CXXC5: variants seen among roughly 807,000 people sequenced by gnomAD.
The protein encoded by CXXC5 is CXXC finger protein 5.
A neutral mutation model predicts 17.6 loss-of-function variants in CXXC5; 2 were observed. The observed-to-expected ratio is 0.11, with a 90% confidence interval of 0.05 to 0.36. The LOEUF (loss-of-function observed/expected upper bound fraction) is 0.36. CXXC5 is among the 10% of genes least tolerant of loss of function. The probability of loss-of-function intolerance (pLI) is 1.00; values close to 1 mark genes in which losing one functional copy is unlikely to be tolerated. For missense variants in CXXC5, 343 were observed against 458.3 expected (o/e 0.75, Z 2.30); for synonymous variants, 171 against 193.0 (o/e 0.89, Z 0.94).
Position 139,681,224 on chromosome 5 carries a change from C to T in CXXC5, c.701C>T (p.Ala234Val), listed in dbSNP as rs747221615. 43 of 1,612,206 alleles carry T rather than the reference C, an allele frequency of 2.7e-5. No homozygotes were observed. Among genetic ancestry groups the T allele is most frequent in the Admixed American group, 1.0e-4 (6 of 59,974 alleles). The change falls in exon 2 of 3, where the codon GCG (alanine) becomes GTG (valine). Residue 234 changes from alanine to valine, a missense_variant. Coordinates refer to ENST00000302517, the MANE Select transcript of CXXC5 (RefSeq NM_016463.9). ...TPAGVFLAES[A>V]LHMAGLAEYP... ...GCAGGTGTGTTCCTGGCCGAGAGCGCGCTGCACATGGCGGGCCTGGCTGAG... is the reference window on the plus strand; with the variant it reads ...GCAGGTGTGTTCCTGGCCGAGAGCGTGCTGCACATGGCGGGCCTGGCTGAG...
At chr5:139,655,987 G>A (rs960779107) in intron 1 of CXXC5, among the ~76,000 whole-genome samples, 4 of 152,174 alleles carry the variant, frequency 2.6e-5, no homozygotes, top group Non-Finnish European at 2.9e-5. Flanking sequence ...GGTGGCCCCC[G>A]GGGAGCCCTG....
chr5:139,659,277 G>C (rs1271910836), intron 1 of CXXC5, among the ~76,000 whole-genome samples: 1 of 152,266 alleles, frequency 6.6e-6, no homozygotes, highest in East Asian at 1.9e-4. Context: ...GTAAGGAGCC[G>C]GCCAGTGAGG....
intron 1 of CXXC5, among the ~76,000 whole-genome samples, chr5:139,678,486 G>A (rs929605421): frequency 2.6e-5 from 4 of 152,146 alleles, no homozygotes; most frequent in Non-Finnish European, 5.9e-5. Flanking sequence ...CTGCTAGGAA[G>A]GAGCCCTAGG....
chr5:139,681,499 C>G, intron 2 of CXXC5, 52 bp downstream of exon 2: 1 of 1,515,362 alleles, frequency 6.6e-7, no homozygotes, highest in Non-Finnish European at 8.8e-7. Flanking sequence ...GTCTGGCAGT[C>G]CAAACCCACC....
At position 139,661,149 on chromosome 5, in the gene CXXC5, G is replaced by A. The variant is rs553842964; in HGVS notation, c.-161+12304G>A. Among the ~76,000 whole-genome samples the A allele has an allele frequency of 9.2e-4, 140 of 152,256 alleles. 1 individual carries two copies. Among genetic ancestry groups the A allele is most frequent in the Admixed American group, 4.1e-3 (63 of 15,300 alleles). ...GGGGAAGCAGCAGGTTATTTATCAA[G>A]CCAGCCTCCCCGCCGCGGCTGCCCG... is the stretch of plus-strand genomic sequence containing the variant. On this transcript the variant is annotated intron_variant, in intron 1 of 2. Transcript: ENST00000302517. The surrounding 1 kb of genome is among the most constrained non-coding windows in gnomAD (Gnocchi z 4.7).
intron 1 of CXXC5, among the ~76,000 whole-genome samples, chr5:139,671,546 C>T (rs534634336): frequency 3.3e-5 from 5 of 152,318 alleles, no homozygotes; most frequent in South Asian, 4.1e-4. Context: ...GGCCTCTGTG[C>T]GGCCGGCTGG....
intron 1 of CXXC5, among the ~76,000 whole-genome samples, chr5:139,653,164 C>G (rs1755303509): frequency 6.6e-6 from 1 of 152,232 alleles, no homozygotes; most frequent in Non-Finnish European, 1.5e-5. Context: ...TGGGCAGCCT[C>G]CCCGTCTGCC....
intron 1 of CXXC5, among the ~76,000 whole-genome samples, chr5:139,656,456 CAT>C (rs3051966): frequency 0.068 from 10,420 of 152,288 alleles, 404 homozygotes; most frequent in South Asian, 0.13. Context: ...CATACACACA[CAT>C]GTGTGCAGAA....
intron 1 of CXXC5, among the ~76,000 whole-genome samples, chr5:139,652,146 C>T (rs1375558715): frequency 9.3e-5 from 8 of 85,614 alleles, no homozygotes; most frequent in Admixed American, 4.9e-4. Context: ...TCCTAGCCGC[C>T]GGCGCGCGCG....
chr5:139,651,819 G>A (rs1381790302), intron 1 of CXXC5, among the ~76,000 whole-genome samples: 1 of 152,062 alleles, frequency 6.6e-6, no homozygotes, highest in Non-Finnish European at 1.5e-5. Flanking sequence ...CATTTAGTCC[G>A]AATTAACAAG....
chr5:139,649,627 C>T (rs903718234), intron 1 of CXXC5: 4 of 152,280 alleles, frequency 2.6e-5, no homozygotes, highest in Non-Finnish European at 5.9e-5. Flanking sequence ...CACGGTGCCC[C>T]GCGGCCCCTC....
Position 139,648,759 on chromosome 5 carries a change from A to G in CXXC5, c.-247A>G, listed in dbSNP as rs1304670000. 1.3e-5 allele frequency: 2 copies of G among 151,604 alleles called. No individual in the cohort carries two copies. The highest frequency in any genetic ancestry group is 2.4e-5 in the African/African-American group (1 of 41,148). 9.4% of individuals were successfully genotyped at this position (151,604 alleles called of 1,614,324 possible). ...GGAGCGCACCGCGGCGGTGGTGCCCAGAGCGGAGCGCAGCTCCCTGCCCCG... is the reference window on the plus strand; with the variant it reads ...GGAGCGCACCGCGGCGGTGGTGCCCGGAGCGGAGCGCAGCTCCCTGCCCCG... On this transcript the variant is annotated 5_prime_UTR_variant, in exon 1 of 3. Coordinates refer to ENST00000302517, the MANE Select transcript of CXXC5 (RefSeq NM_016463.9).
At chr5:139,679,207 C>G (rs778865457) in intron 1 of CXXC5, among the ~76,000 whole-genome samples, 4 of 152,234 alleles carry the variant, frequency 2.6e-5, no homozygotes, top group Non-Finnish European at 4.4e-5. Flanking sequence ...AGGCCCTACT[C>G]TGCAGGCCTT....
At chr5:139,652,062 G>A (rs910127378) in intron 1 of CXXC5, among the ~76,000 whole-genome samples, 11 of 151,994 alleles carry the variant, frequency 7.2e-5, no homozygotes, top group Admixed American at 3.3e-4. Context: ...CCGCCCCCTG[G>A]GGCCCTGATT....
In CXXC5 at chr5:139,672,232, C is replaced by G. The variant is rs540659908; in HGVS notation, c.-160-8132C>G. On this transcript the variant is annotated intron_variant, in intron 1 of 2. Transcript: ENST00000302517. ...TCCCAGGTTCAGGCAATTCTCCTGC[C>G]TCAGCCTCCCGAGTAGCTGGGATTA... Among the ~76,000 whole-genome samples the G allele has an allele frequency of 5.9e-5, 9 of 152,288 alleles. 1 individual carries two copies. Among genetic ancestry groups the G allele is most frequent in the South Asian group, 2.1e-4 (1 of 4,828 alleles).
chr5:139,655,970 C>T (rs1157462166), intron 1 of CXXC5, among the ~76,000 whole-genome samples: 1 of 152,226 alleles, frequency 6.6e-6, no homozygotes, highest in Admixed American at 6.5e-5. Context: ...CAGAGCCAGG[C>T]CTGCCTGGTG....
In CXXC5 at chr5:139,668,222, T is replaced by C. The variant is rs577419614; in HGVS notation, c.-160-12142T>C. Reference sequence around the variant, plus strand: ...AATGAAACCAATTAAGGACAAACTTTGAAAGCCTCTAATTGCTGCGCCTGG... The same window carrying C: ...AATGAAACCAATTAAGGACAAACTTCGAAAGCCTCTAATTGCTGCGCCTGG... On this transcript the variant is annotated intron_variant, in intron 1 of 2. Coordinates refer to ENST00000302517, the MANE Select transcript of CXXC5 (RefSeq NM_016463.9). This position sits in a 1 kb window ranked among gnomAD's most constrained non-coding sequence, Gnocchi z 4.1. 2.1e-3 allele frequency among the ~76,000 whole-genome samples: 314 copies of C among 152,126 alleles called. 2 individuals carry two copies. The highest frequency in any genetic ancestry group is 1.9e-3 in the Non-Finnish European group (131 of 67,998).
At chr5:139,675,162 A>C (rs537925886) in intron 1 of CXXC5, among the ~76,000 whole-genome samples, 1 of 152,266 alleles carries the variant, frequency 6.6e-6, no homozygotes, top group African/African-American at 2.4e-5. Context: ...CCGGTATCAT[A>C]AGGTACAGGG....
At chr5:139,676,016 C>T (rs1581618715) in intron 1 of CXXC5, among the ~76,000 whole-genome samples, 3 of 151,608 alleles carry the variant, frequency 2.0e-5, no homozygotes, top group Admixed American at 1.3e-4. Flanking sequence ...TATGAGTCTC[C>T]CTCCTTCCAG....
Sources: gnomAD v4.1 joint callset for allele counts (sites outside exome capture counted in the v4.1 genomes callset) on GRCh38, gnomAD v4.1.1 for gene constraint, Gnocchi (gnomAD v3.1) non-coding constraint, MANE v1.5 for transcripts, NCBI Gene and HGNC (gene_info 2026-07-23, HGNC 2026-07-21) for gene names.